SLC24A2: variants seen among roughly 807,000 people sequenced by gnomAD.
SLC24A2 encodes the protein solute carrier family 24 member 2, also known as sodium/potassium/calcium exchanger 2.
SLC24A2 carries 36 observed loss-of-function variants against 62.0 expected under a neutral mutation model. The ratio of observed to expected loss-of-function variants is 0.58; its 90% CI spans 0.44 to 0.77. The LOEUF (loss-of-function observed/expected upper bound fraction) is 0.77, where lower values mean the gene tolerates loss of function less well. Ranked by LOEUF, SLC24A2 falls within the 30% of genes least tolerant of loss-of-function variation. The pLI is 0.00. For missense variants in SLC24A2, 846 were observed against 817.9 expected, an observed-to-expected ratio of 1.03 and a Z score of -0.42; for synonymous variants, 358 against 294.0, an observed-to-expected ratio of 1.22 and a Z score of -2.23.
intron 9 of SLC24A2, among the ~76,000 whole-genome samples, chr9:19,525,765 G>GTTT (rs71496823): frequency 5.2e-4 from 52 of 99,094 alleles, no homozygotes; most frequent in African/African-American, 1.1e-3. Flanking sequence ...ACATGCTACT[G>GTTT]TTTTTTTTTT....
the SLC24A2 span, among the ~76,000 whole-genome samples, chr9:19,936,334 C>T: frequency 1.3e-5 from 2 of 152,144 alleles, no homozygotes; most frequent in African/African-American, 4.8e-5. Flanking sequence ...AGTAGGGTGA[C>T]ATGATCAGGG....
intron 5 of SLC24A2, among the ~76,000 whole-genome samples, chr9:19,580,701 G>C (rs747326049): frequency 6.6e-6 from 1 of 152,202 alleles, no homozygotes; most frequent in Non-Finnish European, 1.5e-5. Flanking sequence ...TTGAGAGGTA[G>C]GTAGATCTGA....
chr9:19,750,139 A>G (rs1821941578), intron 2 of SLC24A2, among the ~76,000 whole-genome samples: 1 of 152,188 alleles, frequency 6.6e-6, no homozygotes, highest in Non-Finnish European at 1.5e-5. Flanking sequence ...AGACAACTTC[A>G]GTTTTTAGCT....
the SLC24A2 span, among the ~76,000 whole-genome samples, chr9:20,020,286 G>A: frequency 2.6e-5 from 4 of 152,146 alleles, no homozygotes; most frequent in African/African-American, 9.7e-5. Context: ...GTTTATTGCA[G>A]CACTGTTCAC....
chr9:20,034,291 G>GCAAAT, the SLC24A2 span, among the ~76,000 whole-genome samples: 7 of 152,106 alleles, frequency 4.6e-5, no homozygotes, highest in East Asian at 1.4e-3. Flanking sequence ...TTTGCTCTAT[G>GCAAAT]CAAATTGTCT....
At chr9:19,528,213 C>T (rs756712032) in intron 8 of SLC24A2, 75 bp from the exon 9 acceptor site, 89 of 994,366 alleles carry the variant, frequency 9.0e-5, no homozygotes, top group Non-Finnish European at 1.3e-4. Flanking sequence ...AAAGCTAAAG[C>T]CACCATTGTA....
chr9:19,514,171 G>C lies in SLC24A2; in HGVS notation c.*1982C>G, dbSNP rs1415020521. Reference sequence around the variant, plus strand: ...GCATTTCCTGTTATTGCCATGCTCTGTGGGGTGAGCTGAGGTTTTCTGGAA... The same window carrying C: ...GCATTTCCTGTTATTGCCATGCTCTCTGGGGTGAGCTGAGGTTTTCTGGAA... On this transcript the variant is annotated 3_prime_UTR_variant, in exon 11 of 11. Coordinates refer to ENST00000341998, the MANE Select transcript of SLC24A2 (RefSeq NM_020344.4). 2 of 152,234 alleles carry C rather than the reference G, an allele frequency of 1.3e-5. No homozygotes were observed. Among genetic ancestry groups the C allele is most frequent in the South Asian group, 4.1e-4 (2 of 4,832 alleles). The allele number at this position is 152,234 out of a possible 1,614,324, so 9.4% of individuals were successfully genotyped here. A position where few individuals can be genotyped will look rare whatever the true frequency, so the allele number is the denominator to read the frequency against.
chr9:19,935,216 G>A, the SLC24A2 span, among the ~76,000 whole-genome samples: 2 of 151,508 alleles, frequency 1.3e-5, no homozygotes, highest in Non-Finnish European at 2.9e-5. Flanking sequence ...ATTGGAAATC[G>A]GGATTGGGGG....
At chr9:19,553,407 A>T (rs1355340182) in intron 7 of SLC24A2, among the ~76,000 whole-genome samples, 2 of 152,202 alleles carry the variant, frequency 1.3e-5, no homozygotes, top group Admixed American at 6.5e-5. Flanking sequence ...ACAAAGCAAA[A>T]TGGTCCAGAA....
chr9:19,763,318 T>TCATGTATGAG (rs1822403936), intron 2 of SLC24A2, among the ~76,000 whole-genome samples: 2 of 152,220 alleles, frequency 1.3e-5, no homozygotes, highest in Non-Finnish European at 2.9e-5. Context: ...TTCTTTCTCT[T>TCATGTATGAG]GCCTAATTGC....
At chr9:20,064,622 C>T in the SLC24A2 span, among the ~76,000 whole-genome samples, 1 of 152,178 alleles carries the variant, frequency 6.6e-6, no homozygotes, top group Non-Finnish European at 1.5e-5. Context: ...ATTTCTCTGA[C>T]TTTCCCATTG....
rs1323188601 is a variant in SLC24A2, at chr9:19,788,963, A to G, written c.-232T>C. 5 of 984,758 alleles carry G rather than the reference A, an allele frequency of 5.1e-6. No individual in the cohort carries two copies. The highest frequency in any genetic ancestry group is 1.7e-5 in the African/African-American group (1 of 57,184). The allele number at this position is 984,758 out of a possible 1,614,324, so 61.0% of individuals were successfully genotyped here. ...GCTCCAGTCCGCCGGCCCTCCGCCTACCCGCTCTGAGGCCCGGGCTCTGGC... is the reference window on the plus strand; with the variant it reads ...GCTCCAGTCCGCCGGCCCTCCGCCTGCCCGCTCTGAGGCCCGGGCTCTGGC... On this transcript the variant is annotated 5_prime_UTR_variant, in exon 1 of 11. Transcript: ENST00000341998.
intron 2 of SLC24A2, among the ~76,000 whole-genome samples, chr9:19,647,220 C>G (rs1343929783): frequency 6.9e-6 from 1 of 143,936 alleles, no homozygotes; most frequent in African/African-American, 2.5e-5. Flanking sequence ...GAGTCTCAGA[C>G]ATCTATGTAT....
At chr9:19,527,570 T>C (rs575596899) in intron 9 of SLC24A2, among the ~76,000 whole-genome samples, 1 of 152,326 alleles carries the variant, frequency 6.6e-6, no homozygotes, top group Admixed American at 6.5e-5. Flanking sequence ...GTGATGGGCA[T>C]TGTGACTCAT....
the SLC24A2 span, among the ~76,000 whole-genome samples, chr9:20,161,968 A>T: frequency 6.6e-6 from 1 of 151,920 alleles, no homozygotes; most frequent in Non-Finnish European, 1.5e-5. Flanking sequence ...GATGCATAAG[A>T]ATTGAAAGAC....
the SLC24A2 span, among the ~76,000 whole-genome samples, chr9:19,819,865 G>A: frequency 3.3e-5 from 5 of 151,436 alleles, no homozygotes; most frequent in African/African-American, 1.2e-4. Flanking sequence ...TATCTACCCA[G>A]AGGAAAAGAA....
chr9:19,580,095 C>T (rs966590370), intron 5 of SLC24A2, among the ~76,000 whole-genome samples: 3 of 152,210 alleles, frequency 2.0e-5, no homozygotes, highest in Non-Finnish European at 2.9e-5. Flanking sequence ...GAGGGATTAG[C>T]GTTATTTGTG....
At chr9:19,774,254 C>T (rs1822777360) in intron 2 of SLC24A2, among the ~76,000 whole-genome samples, 1 of 152,056 alleles carries the variant, frequency 6.6e-6, no homozygotes, top group Non-Finnish European at 1.5e-5. Flanking sequence ...TTAATCTCAT[C>T]AAAAATTCAT....
chr9:20,241,965 T>C, the SLC24A2 span, among the ~76,000 whole-genome samples: 1 of 152,222 alleles, frequency 6.6e-6, no homozygotes, highest in Non-Finnish European at 1.5e-5. Flanking sequence ...GTTCACCTTT[T>C]CATTCTCCTC....
Sources: allele counts gnomAD v4.1 joint callset (sites outside exome capture counted in the v4.1 genomes callset), GRCh38; gene constraint gnomAD v4.1.1; transcripts MANE v1.5; gene names NCBI Gene and HGNC (gene_info 2026-07-23, HGNC 2026-07-21).